The following NID1 variants were observed in gnomAD, a reference collection of about 807,000 sequenced individuals.
NID1 encodes nidogen 1, also known as nidogen-1.
In NID1, 76 loss-of-function variants were observed where a neutral mutation model predicts 130.6. The observed-to-expected ratio is 0.58, with a 90% confidence interval of 0.48 to 0.70. The LOEUF is 0.70. Ranked by LOEUF, NID1 falls within the 30% of genes least tolerant of loss-of-function variation. NID1 has a pLI of 0.00. For missense variants in NID1, 1,517 were observed against 1,664.8 expected (o/e 0.91, Z 1.54); for synonymous variants, 665 against 675.1 (o/e 0.98, Z 0.23).
intron 1 of NID1, among the ~76,000 whole-genome samples, chr1:236,061,570 A>C (rs554789402): frequency 6.6e-6 from 1 of 152,098 alleles, no homozygotes; most frequent in East Asian, 1.9e-4. Context: ...GGCTCAAGAG[A>C]TTCTCCTGCC....
At chr1:236,039,684 T>C (rs1012560643) in intron 4 of NID1, among the ~76,000 whole-genome samples, 13 of 152,306 alleles carry the variant, frequency 8.5e-5, no homozygotes, top group African/African-American at 3.1e-4. Flanking sequence ...AATGATCCCA[T>C]TCATAATTGA....
At chr1:236,051,213 T>C (rs116030683) in intron 1 of NID1, among the ~76,000 whole-genome samples, 2,800 of 152,140 alleles carry the variant, frequency 0.018, 66 homozygotes, top group African/African-American at 0.062. Context: ...CCTCAGTTGT[T>C]AGAAGGCCAG....
In NID1 at chr1:236,026,240, G is replaced by C. The variant is rs1322559441; in HGVS notation, c.1739-99C>G. The C allele has an allele frequency of 2.7e-6, 4 of 1,477,672 alleles. No homozygotes were observed. The African/African-American group carries it at 5.5e-5, about 20-fold the overall frequency. The allele number at this position is 1,477,672 out of a possible 1,614,324, so 91.5% of individuals were successfully genotyped here. ...ATCAACGGCTTTCAAGGCACCAGTG[G>C]TATTCCCTGCCCATAAGGCTACCAG... is the stretch of plus-strand genomic sequence containing the variant. On this transcript the variant is annotated intron_variant, in intron 7 of 19. Transcript: ENST00000264187.
Position 235,977,677 on chromosome 1 carries a change from A to T in NID1, c.*190T>A. On this transcript the variant is annotated 3_prime_UTR_variant, in exon 20 of 20. Coordinates refer to ENST00000264187, the MANE Select transcript of NID1 (RefSeq NM_002508.3). ...GTTCTGTCCTTGTGTAGGGGTGGAG[A>T]CTTTTCTATTAGAGAAGTCCAGGGT... is the stretch of plus-strand genomic sequence containing the variant. 1.7e-6 allele frequency: 1 copy of T among 594,208 alleles called. No homozygotes were observed. Among genetic ancestry groups the T allele is most frequent in the Middle Eastern group, 4.6e-4 (1 of 2,166 alleles). The allele number at this position is 594,208 out of a possible 1,614,324, so 36.8% of individuals were successfully genotyped here.
At chr1:236,026,933 G>T (rs1048693744) in intron 7 of NID1, among the ~76,000 whole-genome samples, 1 of 151,906 alleles carries the variant, frequency 6.6e-6, no homozygotes, top group East Asian at 1.9e-4. Flanking sequence ...TAGAGACGGG[G>T]TTTCACCATG....
chr1:236,038,374 G>T (rs1358328672), intron 4 of NID1, 121 bp from the exon 5 acceptor site: 2 of 1,020,686 alleles, frequency 2.0e-6, no homozygotes, highest in Admixed American at 5.5e-5. Flanking sequence ...CAATTCAAGG[G>T]ACCAGGCTCA....
intron 7 of NID1, among the ~76,000 whole-genome samples, chr1:236,027,701 C>T (rs1317488876): frequency 2.0e-5 from 3 of 151,972 alleles, no homozygotes; most frequent in African/African-American, 7.3e-5. Context: ...TGGTGGTAGG[C>T]GCCTATAATC....
rs1269797418 is a variant in NID1, at chr1:235,978,001, G to A, written c.3623-13C>T. The A allele has an allele frequency of 2.1e-5, 34 of 1,613,498 alleles. 1 individual carries two copies. In the Admixed American group the frequency reaches 5.7e-4, roughly 27 times the overall value. ...CAGTAGTTATGGCCTGGAAAAGGCA[G>A]AAATCAGTTCAATAGCCCTCTCTCT... is the stretch of plus-strand genomic sequence containing the variant. On this transcript the variant is annotated splice_polypyrimidine_tract_variant and intron_variant, in intron 19 of 19. Transcript: ENST00000264187.
chr1:236,035,038 A>T (rs1659213471), intron 5 of NID1, among the ~76,000 whole-genome samples: 1 of 137,302 alleles, frequency 7.3e-6, no homozygotes, highest in Non-Finnish European at 1.5e-5. Context: ...ACATGTGCAC[A>T]TTGTGCAGGT....
chr1:236,064,640 C>A, intron 1 of NID1: 1 of 605,336 alleles, frequency 1.7e-6, no homozygotes, highest in Non-Finnish European at 3.0e-6. Flanking sequence ...GCGGAGCCAC[C>A]CAGACCCCGC....
intron 7 of NID1, among the ~76,000 whole-genome samples, chr1:236,029,109 G>A (rs938988907): frequency 4.0e-5 from 6 of 151,886 alleles, no homozygotes; most frequent in East Asian, 1.9e-4. Flanking sequence ...CCCAGGAGGC[G>A]GAGGTTGTAG....
In NID1 at chr1:236,029,623, G is replaced by A. The variant is rs201027429; in HGVS notation, c.1665C>T (p.Arg555=). Residue 555 remains arginine (R), a synonymous_variant, in exon 7 of 20, where the codon CGC becomes CGT. Coordinates refer to ENST00000264187, the MANE Select transcript of NID1 (RefSeq NM_002508.3). ...HLTIDTELEG[R]VPQIPFGSSV... ...AGGAGCCGAACGGAATCTGCGGCACGCGGCCCTCCAGCTCCGTGTCGATGG... is the reference window on the plus strand; with the variant it reads ...AGGAGCCGAACGGAATCTGCGGCACACGGCCCTCCAGCTCCGTGTCGATGG... 3.9e-5 allele frequency: 62 copies of A among 1,608,394 alleles called. No homozygotes were observed. The highest frequency in any genetic ancestry group is 1.4e-4 in the Admixed American group (8 of 59,056).
At chr1:235,985,034 A>G (rs1330479913) in intron 15 of NID1, among the ~76,000 whole-genome samples, 2 of 152,030 alleles carry the variant, frequency 1.3e-5, no homozygotes, top group African/African-American at 4.8e-5. Context: ...CTAAAAAAAA[A>G]TACAAAAAAT....
rs1659581244 is a variant in NID1 at position 236,045,679 on chromosome 1, T to C, written c.530A>G (p.Asn177Ser). The change falls in exon 3 of 20, where the codon AAC becomes AGC. Residue 177 changes from asparagine (N) to serine (S), a missense_variant. Asn to Ser is a conservative substitution (Grantham distance 46, BLOSUM62 1). Transcript: ENST00000264187. ...SRDPDQKGKR[N>S]TFQAVLASSD... ...GGAGGCTAGAACAGCCTGGAACGTG[T>C]TTCTCTGTGAAGATGAGTTAAAATT... 1 of 1,609,350 alleles carries C rather than the reference T, an allele frequency of 6.2e-7. No homozygotes were observed. The highest frequency in any genetic ancestry group is 1.3e-5 in the African/African-American group (1 of 74,862).
intron 10 of NID1, among the ~76,000 whole-genome samples, chr1:236,016,446 A>G (rs1658597822): frequency 6.6e-6 from 1 of 152,204 alleles, no homozygotes; most frequent in Admixed American, 6.5e-5. Context: ...AGACATGTTG[A>G]GTTCAGATGC....
At chr1:236,040,853 C>A (rs1214748857) in intron 4 of NID1, among the ~76,000 whole-genome samples, 1 of 152,028 alleles carries the variant, frequency 6.6e-6, no homozygotes, top group Non-Finnish European at 1.5e-5. Context: ...TTAGTAGAGG[C>A]AGGATTTCAC....
intron 9 of NID1, among the ~76,000 whole-genome samples, chr1:236,020,061 A>G (rs1043016772): frequency 6.9e-6 from 1 of 144,740 alleles, no homozygotes; most frequent in Non-Finnish European, 1.5e-5. Context: ...AAAAAAAACA[A>G]AAACAAACTT....
chr1:236,035,730 T>C (rs1659237008), intron 5 of NID1, among the ~76,000 whole-genome samples: 1 of 152,202 alleles, frequency 6.6e-6, no homozygotes, highest in Admixed American at 6.5e-5. Context: ...TTGGGTTCCA[T>C]ACGCCCAAAC....
At chr1:236,060,635 A>G (rs889004490) in intron 1 of NID1, 16 of 152,102 alleles carry the variant, frequency 1.1e-4, no homozygotes, top group African/African-American at 3.6e-4. Flanking sequence ...TCTGCAGAAA[A>G]TTTCTACCTG....
Sources: allele counts gnomAD v4.1 joint callset (sites outside exome capture counted in the v4.1 genomes callset), GRCh38; gene constraint gnomAD v4.1.1; transcripts MANE v1.5; gene names NCBI Gene and HGNC (gene_info 2026-07-23, HGNC 2026-07-21).